PBLD: variants seen among roughly 807,000 people sequenced by gnomAD.
The protein encoded by PBLD is phenazine biosynthesis-like domain-containing protein.
A neutral mutation model predicts 31.3 loss-of-function variants in PBLD; 26 were observed. That is an observed-to-expected ratio of 0.83 (90% CI 0.61 to 1.15). The LOEUF (loss-of-function observed/expected upper bound fraction) is 1.15, where lower values mean the gene tolerates loss of function less well. Ranked by LOEUF, PBLD falls within the 50% of genes most tolerant of loss-of-function variation. The pLI is 0.00. For synonymous variants in PBLD, 114 were observed against 129.0 expected (o/e 0.88, Z 0.79); for missense variants, 307 against 351.7 (o/e 0.87, Z 1.02).
chr10:68,286,599 A>T (rs1240355197), intron 8 of PBLD, among the ~76,000 whole-genome samples: 1 of 152,034 alleles, frequency 6.6e-6, no homozygotes, highest in African/African-American at 2.4e-5. Flanking sequence ...TCGGTCTCCC[A>T]AAGTGCTGGG....
chr10:68,292,867 C>G (rs930350166), intron 4 of PBLD, among the ~76,000 whole-genome samples: 1 of 152,006 alleles, frequency 6.6e-6, no homozygotes, highest in Non-Finnish European at 1.5e-5. Context: ...ATTAAACCTA[C>G]CATTTATAAT....
chr10:68,329,205 C>T (rs2044973053), intron 1 of PBLD, among the ~76,000 whole-genome samples: 1 of 152,178 alleles, frequency 6.6e-6, no homozygotes. Flanking sequence ...TAACTCAAAA[C>T]TTCCTACTGT....
chr10:68,300,111 G>A (rs2044485905), intron 2 of PBLD, among the ~76,000 whole-genome samples: 1 of 151,978 alleles, frequency 6.6e-6, no homozygotes, highest in Non-Finnish European at 1.5e-5. Context: ...GGCTGGTCTG[G>A]AACTCCTGAG....
At chr10:68,293,053 G>T (rs2044380319) in intron 4 of PBLD, among the ~76,000 whole-genome samples, 1 of 152,080 alleles carries the variant, frequency 6.6e-6, no homozygotes, top group South Asian at 2.1e-4. Context: ...TAAAGACAGG[G>T]TCTCACTATG....
At chr10:68,304,913 T>C (rs2044555783) in intron 2 of PBLD, among the ~76,000 whole-genome samples, 1 of 152,206 alleles carries the variant, frequency 6.6e-6, no homozygotes, top group South Asian at 2.1e-4. Context: ...ACTCTTGTAA[T>C]AATGGACAAA....
At chr10:68,306,325 C>T (rs1259329361) in intron 2 of PBLD, among the ~76,000 whole-genome samples, 2 of 152,118 alleles carry the variant, frequency 1.3e-5, no homozygotes, top group East Asian at 1.9e-4. Context: ...GTCTCATTTT[C>T]TTGATCCTGA....
intron 2 of PBLD, among the ~76,000 whole-genome samples, chr10:68,301,519 C>T (rs1355761552): frequency 6.6e-6 from 1 of 152,200 alleles, no homozygotes; most frequent in Non-Finnish European, 1.5e-5. Context: ...GCAGAGTCTG[C>T]AATCACAAGT....
Position 68,283,086 on chromosome 10 carries a change from G to A in PBLD, c.*1091C>T, listed in dbSNP as rs1564721422. On this transcript the variant is annotated 3_prime_UTR_variant, in exon 10 of 10. Transcript: ENST00000358769. ...TTTAATAGAGACAAGTTCTCGCTGT[G>A]TTGCCCAGGCTGGTCTCGAACTCCT... 6.7e-6 allele frequency: 1 copy of A among 149,644 alleles called. No individual in the cohort carries two copies. The highest frequency in any genetic ancestry group is 1.5e-5 in the Non-Finnish European group (1 of 67,742). The allele number at this position is 149,644 out of a possible 1,614,324, so 9.3% of individuals were successfully genotyped here. A position where few individuals can be genotyped will look rare whatever the true frequency, so the allele number is the denominator to read the frequency against.
chr10:68,306,382 A>C (rs897111971), intron 2 of PBLD, among the ~76,000 whole-genome samples: 1 of 152,212 alleles, frequency 6.6e-6, no homozygotes, highest in Non-Finnish European at 1.5e-5. Flanking sequence ...AAAGATACTC[A>C]GTTAGGATCT....
At position 68,296,370 on chromosome 10, in the gene PBLD, G is replaced by C. The variant is rs778569214; in HGVS notation, c.185-6C>G. ...TCTCAGTCCAAAGCAGGAACCTGAG[G>C]ATAGGAAAAGCCAAAGAGAGATGAG... On this transcript the variant is annotated splice_region_variant and splice_polypyrimidine_tract_variant and intron_variant, in intron 3 of 9. Coordinates refer to ENST00000358769, the MANE Select transcript of PBLD (RefSeq NM_022129.4). The C allele has an allele frequency of 6.2e-7, 1 of 1,603,918 alleles. No homozygotes were observed. The highest frequency in any genetic ancestry group is 2.2e-5 in the East Asian group (1 of 44,850).
chr10:68,295,265 G>A (rs1275417297), intron 4 of PBLD, among the ~76,000 whole-genome samples: 1 of 151,916 alleles, frequency 6.6e-6, no homozygotes, highest in Non-Finnish European at 1.5e-5. Flanking sequence ...GGCCAAGGTG[G>A]GCAGACCACT....
intron 1 of PBLD, among the ~76,000 whole-genome samples, chr10:68,314,033 G>T (rs557126083): frequency 1.3e-5 from 2 of 152,080 alleles, no homozygotes; most frequent in African/African-American, 4.8e-5. Flanking sequence ...CTGGAATGCA[G>T]TGGCACAATC....
intron 2 of PBLD, among the ~76,000 whole-genome samples, chr10:68,303,715 T>C (rs113239247): frequency 1.6e-4 from 24 of 152,250 alleles, no homozygotes; most frequent in African/African-American, 5.8e-4. Context: ...TTTTATCAAG[T>C]GTTCAAAAAG....
chr10:68,313,992 A>G (rs896370545), intron 1 of PBLD, among the ~76,000 whole-genome samples: 2 of 152,002 alleles, frequency 1.3e-5, no homozygotes, highest in Admixed American at 1.3e-4. Context: ...TTATTTATTT[A>G]TGGAGACAAA....
intron 4 of PBLD, among the ~76,000 whole-genome samples, chr10:68,292,863 C>T (rs916321552): frequency 6.6e-6 from 1 of 152,002 alleles, no homozygotes; most frequent in Non-Finnish European, 1.5e-5. Context: ...ATACATTAAA[C>T]CTACCATTTA....
chr10:68,288,910 T>C (rs972565753), intron 7 of PBLD, 21 bp downstream of exon 7: 5 of 1,608,550 alleles, frequency 3.1e-6, no homozygotes, highest in Non-Finnish European at 3.4e-6. Context: ...CCCAAAGTGC[T>C]GATGCAGCCA....
chr10:68,299,522 A>C (rs1179076592), intron 2 of PBLD, among the ~76,000 whole-genome samples: 1 of 152,162 alleles, frequency 6.6e-6, no homozygotes, highest in African/African-American at 2.4e-5. Flanking sequence ...GATTATTGTG[A>C]AAAATCAGTC....
At chr10:68,332,116 G>A (rs2045151280) in intron 1 of PBLD, 1 of 152,456 alleles carries the variant, frequency 6.6e-6, no homozygotes, top group Admixed American at 6.5e-5. Context: ...GAGACGGTTG[G>A]GAGAACCGTT....
intron 1 of PBLD, among the ~76,000 whole-genome samples, chr10:68,318,321 T>C (rs947603257): frequency 6.9e-6 from 1 of 143,912 alleles, no homozygotes; most frequent in Non-Finnish European, 1.5e-5. Context: ...GAGAACTGCT[T>C]GAGGCCAGGA....
Sources: allele counts gnomAD v4.1 joint callset (sites outside exome capture counted in the v4.1 genomes callset), GRCh38; gene constraint gnomAD v4.1.1; transcripts MANE v1.5; gene names NCBI Gene and HGNC (gene_info 2026-07-23, HGNC 2026-07-21).